Variants in ZNF8 observed in about 807,000 individuals in gnomAD.
ZNF8 encodes the protein zinc finger protein 272.
A neutral mutation model predicts 12.2 loss-of-function variants in ZNF8; 9 were observed. The observed-to-expected ratio is 0.73, with a 90% CI of 0.44 to 1.28. ZNF8 has a LOEUF of 1.28. Ranked by LOEUF, ZNF8 falls within the 50% of genes most tolerant of loss-of-function variation. ZNF8 has a pLI of 0.00. For synonymous variants in ZNF8, 274 were observed against 282.3 expected (o/e 0.97, Z 0.30); for missense variants, 664 against 729.1 (o/e 0.91, Z 1.03).
intron 1 of ZNF8, among the ~76,000 whole-genome samples, chr19:58,283,522 A>G (rs2051363105): frequency 6.6e-6 from 1 of 151,954 alleles, no homozygotes; most frequent in African/African-American, 2.4e-5. Context: ...ATCTTATGTC[A>G]TAACAAGAAG....
At chr19:58,292,671 C>G (rs771229587) in intron 3 of ZNF8, among the ~76,000 whole-genome samples, 1 of 152,198 alleles carries the variant, frequency 6.6e-6, no homozygotes, top group Non-Finnish European at 1.5e-5. Context: ...TGGAATCTTA[C>G]AATTTGTGAC....
At chr19:58,286,633 T>A (rs2051385107) in intron 3 of ZNF8, 1 of 161,900 alleles carries the variant, frequency 6.2e-6, no homozygotes, top group African/African-American at 2.4e-5. Flanking sequence ...GTGTTTGGAA[T>A]AAACCACATA....
Position 58,294,125 on chromosome 19 carries a change from C to A in ZNF8, c.317C>A (p.Ala106Glu). 3 of 1,602,810 alleles carry A rather than the reference C, an allele frequency of 1.9e-6. No individual in the cohort carries two copies. The highest frequency in any genetic ancestry group is 2.6e-6 in the Non-Finnish European group (3 of 1,171,122). ...TGGGAGCCTCGATCTGAAAGCCAAG[C>A]ATCACGCAAGGAAGAGGGCCTGCCT... Reference protein sequence around the residue: ...PAWEPRSESQASRKEEGLPEE... With the variant: ...PAWEPRSESQESRKEEGLPEE... Residue 106 changes from alanine (A) to glutamate (E), a missense_variant, in exon 4 of 4, where the codon GCA becomes GAA. Ala to Glu is a moderately radical substitution (Grantham distance 107). Transcript: ENST00000621650. The surrounding 1 kb of genome is among the most constrained non-coding windows in gnomAD (Gnocchi z 5.5).
At position 58,294,936 on chromosome 19, in the gene ZNF8, A is replaced by G. The variant is rs2051443648; in HGVS notation, c.1128A>G (p.Lys376=). 1 of 1,614,112 alleles carries G rather than the reference A, an allele frequency of 6.2e-7. No individual in the cohort carries two copies. The highest frequency in any genetic ancestry group is 8.5e-7 in the Non-Finnish European group (1 of 1,180,014). ...EKPYTCSVCG[K]SFSRTTCLFL... ...CATACACCTGCAGTGTGTGTGGGAA[A>G]TCCTTCTCTCGGACCACTTGCCTTT... is the stretch of plus-strand genomic sequence containing the variant. The change falls in exon 4 of 4, where the codon AAA becomes AAG. Residue 376 remains lysine (K), a synonymous_variant. Transcript: ENST00000621650. This position sits in a 1 kb window ranked among gnomAD's most constrained non-coding sequence, Gnocchi z 5.5.
chr19:58,279,840 T>C, intron 1 of ZNF8: 1 of 1,374,784 alleles, frequency 7.3e-7, no homozygotes, highest in Non-Finnish European at 9.6e-7. Flanking sequence ...GAAACAACAA[T>C]AATTATCCTT....
Position 58,294,193 on chromosome 19 carries a change from A to G in ZNF8, c.385A>G (p.Thr129Ala). The change falls in exon 4 of 4, where the codon ACA (threonine) becomes GCA (alanine). Residue 129 changes from threonine (T) to alanine (A), a missense_variant. Transcript: ENST00000621650. The surrounding 1 kb of genome is among the most constrained non-coding windows in gnomAD (Gnocchi z 5.5). ...TGTCACGGGAAGGGAAGGATTCCCG[A>G]CAGATGCTCCTTATCCCACCACGTT... ...SHVTGREGFPTDAPYPTTLGK... is the reference protein window; with the variant it reads ...SHVTGREGFPADAPYPTTLGK... The G allele has an allele frequency of 1.2e-6, 2 of 1,614,178 alleles. No homozygotes were observed. Among genetic ancestry groups the G allele is most frequent in the Non-Finnish European group, 1.7e-6 (2 of 1,180,014 alleles).
At chr19:58,283,135 T>G (rs985063190) in intron 1 of ZNF8, among the ~76,000 whole-genome samples, 1 of 151,000 alleles carries the variant, frequency 6.6e-6, no homozygotes, top group Admixed American at 6.6e-5. Context: ...CCTGGCTAAT[T>G]TTTTTCAAAT....
At chr19:58,284,620 G>A (rs8104061) in intron 1 of ZNF8, among the ~76,000 whole-genome samples, 36,365 of 152,152 alleles carry the variant, frequency 0.24, 4,510 homozygotes, top group African/African-American at 0.28. Flanking sequence ...AGGCCGAGGC[G>A]GGTGGATCAC....
rs2051379410 is a variant in ZNF8, at chr19:58,285,780, C to T, written c.130C>T (p.Pro44Ser). Residue 44 changes from proline to serine, a missense_variant, in exon 2 of 4, where the codon CCT (proline) becomes TCT (serine). By Grantham distance (74) the Pro-to-Ser change is moderately conservative. This residue lies in a region of ZNF8 where 306 missense variants were observed against 308.7 expected (regional missense o/e 0.99). Transcript: ENST00000621650. Reference sequence around the variant, plus strand: ...CCAGGAGGAATGGGGGCAGCTGGACCCTACCCAGAGGATCCTCTACCGTGA... The same window carrying T: ...CCAGGAGGAATGGGGGCAGCTGGACTCTACCCAGAGGATCCTCTACCGTGA... ...FTQEEWGQLD[P>S]TQRILYRDVM... is the part of the protein sequence containing the mutation. 1.2e-6 allele frequency: 2 copies of T among 1,614,102 alleles called. No individual in the cohort carries two copies. Among genetic ancestry groups the T allele is most frequent in the African/African-American group, 2.7e-5 (2 of 75,030 alleles).
rs780922220 is a variant in ZNF8, at chr19:58,294,289, T to C, written c.481T>C (p.Phe161Leu). The C allele has an allele frequency of 6.2e-7, 1 of 1,613,966 alleles. No homozygotes were observed. The highest frequency in any genetic ancestry group is 8.5e-7 in the Non-Finnish European group (1 of 1,179,970). Reference protein sequence around the residue: ...KEQNNLKQLEFGLKEAPVQDQ... With the variant: ...KEQNNLKQLELGLKEAPVQDQ... Reference sequence around the variant, plus strand: ...GCAGAATAACTTGAAGCAGTTGGAATTTGGCCTCAAGGAAGCACCAGTTCA... The same window carrying C: ...GCAGAATAACTTGAAGCAGTTGGAACTTGGCCTCAAGGAAGCACCAGTTCA... The change falls in exon 4 of 4, where the codon TTT becomes CTT. Residue 161 changes from phenylalanine (F) to leucine (L), a missense_variant. This residue lies in a region of ZNF8 where 306 missense variants were observed against 308.7 expected (regional missense o/e 0.99). Coordinates refer to ENST00000621650, the MANE Select transcript of ZNF8 (RefSeq NM_021089.3). The surrounding 1 kb of genome is among the most constrained non-coding windows in gnomAD (Gnocchi z 5.5).
chr19:58,279,574 T>C, intron 1 of ZNF8: 2 of 1,526,934 alleles, frequency 1.3e-6, no homozygotes, highest in Non-Finnish European at 1.7e-6. Flanking sequence ...ACGCGTGGAG[T>C]CAGCGGACAC....
intron 1 of ZNF8, chr19:58,280,711 A>G (rs1393071440): frequency 1.3e-5 from 2 of 152,206 alleles, no homozygotes; most frequent in African/African-American, 4.8e-5. Flanking sequence ...AGAAGTCTGA[A>G]ATCGGTTTTC....
At chr19:58,288,469 A>T (rs1005376582) in intron 3 of ZNF8, among the ~76,000 whole-genome samples, 2 of 152,106 alleles carry the variant, frequency 1.3e-5, no homozygotes, top group African/African-American at 4.8e-5. Flanking sequence ...TGCCAGCCAC[A>T]TCTGTCCCCT....
intron 1 of ZNF8, among the ~76,000 whole-genome samples, chr19:58,284,378 C>A (rs987066145): frequency 1.3e-5 from 2 of 152,194 alleles, no homozygotes; most frequent in African/African-American, 2.4e-5. Context: ...TATACAGCCC[C>A]CAAGGGGTGA....
rs1426626065 is a variant in ZNF8 at position 58,301,838 on chromosome 19, C to T, written c.*6302C>T. On this transcript the variant is annotated 3_prime_UTR_variant, in exon 4 of 4. Transcript: ENST00000621650. ...TTTATCAGTCACTAAATTACAAATA[C>T]ATAAACCCTTTGTCTCACCAAACCT... 2 of 152,192 alleles carry T rather than the reference C, an allele frequency of 1.3e-5. No homozygotes were observed. The highest frequency in any genetic ancestry group is 2.9e-5 in the Non-Finnish European group (2 of 68,026). 9.4% of individuals were successfully genotyped at this position (152,192 alleles called of 1,614,324 possible). A position where few individuals can be genotyped will look rare whatever the true frequency, so the allele number is the denominator to read the frequency against.
rs1302988440 is a variant in ZNF8, at chr19:58,294,628, G to A, written c.820G>A (p.Val274Met). The A allele has an allele frequency of 6.2e-6, 10 of 1,614,018 alleles. No individual in the cohort carries two copies. The highest frequency in any genetic ancestry group is 3.3e-5 in the South Asian group (3 of 91,088). ...KSFNHNAHLT[V>M]HKRIHTGERP... ...GTTTAACCATAACGCACACCTCACCGTGCACAAGAGGATTCATACGGGAGA... is the reference window on the plus strand; with the variant it reads ...GTTTAACCATAACGCACACCTCACCATGCACAAGAGGATTCATACGGGAGA... The change falls in exon 4 of 4, where the codon GTG (valine) becomes ATG (methionine). Residue 274 changes from valine (V) to methionine (M), a missense_variant. By Grantham distance (21) the Val-to-Met change is conservative. Around this residue, in one of 3 missense-constraint regions of ZNF8, gnomAD observed 133 missense variants for 198.4 expected, o/e 0.67. Transcript: ENST00000621650. The surrounding 1 kb of genome is among the most constrained non-coding windows in gnomAD (Gnocchi z 5.5).
rs435442 is a variant in ZNF8 at position 58,296,461 on chromosome 19, G to A, written c.*925G>A. 147,778 of 152,284 alleles carry A rather than the reference G, an allele frequency of 0.97. 71,952 individuals carry two copies. Among genetic ancestry groups the A allele is most frequent in the African/African-American group, 0.99 (41,224 of 41,530 alleles). 9.4% of individuals were successfully genotyped at this position (152,284 alleles called of 1,614,324 possible). On this transcript the variant is annotated 3_prime_UTR_variant, in exon 4 of 4. Transcript: ENST00000621650. ...ACCCAGGCTGGAGTGCAATGGCGCA[G>A]TCTGCTCACCACAACCTCCGCCTCC...
At chr19:58,293,031 C>T (rs1212633684) in intron 3 of ZNF8, among the ~76,000 whole-genome samples, 8 of 151,908 alleles carry the variant, frequency 5.3e-5, no homozygotes, top group Non-Finnish European at 1.2e-4. Context: ...TCACTGCAAC[C>T]TTCGCCTCCC....
rs534886788 is a variant in ZNF8, at chr19:58,295,781, A to C, written c.*245A>C. 3 of 461,774 alleles carry C rather than the reference A, an allele frequency of 6.5e-6. No individual in the cohort carries two copies. The highest frequency in any genetic ancestry group is 3.5e-5 in the East Asian group (1 of 28,714). 28.6% of individuals were successfully genotyped at this position (461,774 alleles called of 1,614,324 possible). ...CCACAGTGAGTTCACAGGTAATATA[A>C]CCTACCCACCTGTGTAATGTCAAAA... On this transcript the variant is annotated 3_prime_UTR_variant, in exon 4 of 4. Coordinates refer to ENST00000621650, the MANE Select transcript of ZNF8 (RefSeq NM_021089.3).
Sources: gnomAD v4.1 joint callset for allele counts (sites outside exome capture counted in the v4.1 genomes callset) on GRCh38, gnomAD v4.1.1 for gene constraint, gnomAD v4.1.1 regional missense constraint, Gnocchi (gnomAD v3.1) non-coding constraint, MANE v1.5 for transcripts, NCBI Gene and HGNC (gene_info 2026-07-23, HGNC 2026-07-21) for gene names.